The following NUP214 variants were observed in gnomAD, a reference collection of about 807,000 sequenced individuals.
NUP214 encodes the protein nuclear pore complex protein Nup214.
A neutral mutation model predicts 196.2 loss-of-function variants in NUP214; 79 were observed. The observed-to-expected ratio is 0.40, with a 90% CI of 0.34 to 0.49. The LOEUF (loss-of-function observed/expected upper bound fraction) is 0.49, where lower values mean the gene tolerates loss of function less well. Ranked by LOEUF, NUP214 falls within the 20% of genes least tolerant of loss-of-function variation. NUP214 has a pLI of 0.58. For synonymous variants in NUP214, 1,020 were observed against 990.5 expected, an observed-to-expected ratio of 1.03 and a Z score of -0.56; for missense variants, 2,468 against 2,539.0, an observed-to-expected ratio of 0.97 and a Z score of 0.60.
intron 9 of NUP214, among the ~76,000 whole-genome samples, 161 bp downstream of exon 9, chr9:131,136,167 G>A (rs563055564): frequency 6.6e-5 from 10 of 152,184 alleles, no homozygotes; most frequent in Non-Finnish European, 1.2e-4. Context: ...AGCCTCCCAA[G>A]TAGCTGGGAC....
chr9:131,154,170 C>A (rs1319114861), intron 17 of NUP214, among the ~76,000 whole-genome samples: 1 of 152,120 alleles, frequency 6.6e-6, no homozygotes, highest in African/African-American at 2.4e-5. Flanking sequence ...TTTAAAATTA[C>A]ATTTTCTCTT....
intron 21 of NUP214, among the ~76,000 whole-genome samples, chr9:131,172,362 G>T (rs1178973867): frequency 6.6e-6 from 1 of 152,222 alleles, no homozygotes; most frequent in African/African-American, 2.4e-5. Context: ...CTTTTGAGAA[G>T]TGTCTGTTCA....
At chr9:131,127,845 A>G in intron 2 of NUP214, 126 bp downstream of exon 2, 1 of 701,486 alleles carries the variant, frequency 1.4e-6, no homozygotes, top group Non-Finnish European at 2.4e-6. Context: ...GTTGACTCCC[A>G]AGAAGATTAA....
chr9:131,190,397 A>ATT (rs1398570683), intron 26 of NUP214: 1 of 676,718 alleles, frequency 1.5e-6, no homozygotes, highest in Admixed American at 2.3e-5. Flanking sequence ...GACTTGCAAG[A>ATT]AATTTCCGAG....
intron 26 of NUP214, chr9:131,190,686 G>A (rs1167317126): frequency 2.1e-6 from 1 of 487,676 alleles, no homozygotes; most frequent in Non-Finnish European, 3.6e-6. Context: ...CTATGGTGTA[G>A]AGATATATAA....
Position 131,222,914 on chromosome 9 carries a change from C to T in NUP214, c.5886C>T (p.Ser1962=), listed in dbSNP as rs373404479. 33 of 1,613,958 alleles carry T rather than the reference C, an allele frequency of 2.0e-5. No homozygotes were observed. The highest frequency in any genetic ancestry group is 2.8e-5 in the Non-Finnish European group (33 of 1,179,978). Residue 1962 remains serine, a synonymous_variant, in exon 32 of 36, where the codon TCC becomes TCT. Coordinates refer to ENST00000359428, the MANE Select transcript of NUP214 (RefSeq NM_005085.4). ...GSVASQGFGF[S]SPNKTGGFGA... ...TGGCATCCCAAGGCTTTGGGTTTTC[C>T]TCTCCAAACAAAACAGGTACTCCTA...
intron 30 of NUP214, among the ~76,000 whole-genome samples, chr9:131,212,757 C>T (rs548904943): frequency 1.1e-4 from 17 of 152,124 alleles, no homozygotes; most frequent in South Asian, 6.2e-4. Flanking sequence ...TTAAAATTTT[C>T]GGATATAATG....
intron 6 of NUP214, 40 bp from the exon 7 acceptor site, chr9:131,133,066 T>C: frequency 6.9e-7 from 1 of 1,452,334 alleles, no homozygotes; most frequent in Non-Finnish European, 9.7e-7. Flanking sequence ...ATCTGGTTGC[T>C]GTCATTTTTA....
At chr9:131,168,941 A>C (rs1468438950) in intron 21 of NUP214, among the ~76,000 whole-genome samples, 2 of 152,010 alleles carry the variant, frequency 1.3e-5, no homozygotes, top group Admixed American at 1.3e-4. Flanking sequence ...ACACTGCCTT[A>C]ATTAGTGCTC....
chr9:131,192,189 TTTTTTTCC>T lies in NUP214; in HGVS notation c.3575-18_3575-11del. ...ATATTCTTTTTTTTTTTTTTTTTTTTTTTTTTCCATAATTTCAGGGACAGCCAAGATAG... is the reference window on the plus strand; with the variant it reads ...ATATTCTTTTTTTTTTTTTTTTTTTTATAATTTCAGGGACAGCCAAGATAG... On this transcript the variant is annotated splice_polypyrimidine_tract_variant and intron_variant, in intron 26 of 35. Transcript: ENST00000359428. 1 of 1,139,274 alleles carries T rather than the reference TTTTTTTCC, an allele frequency of 8.8e-7. No homozygotes were observed. The highest frequency in any genetic ancestry group is 1.2e-6 in the Non-Finnish European group (1 of 820,866). 70.6% of individuals were successfully genotyped at this position (1,139,274 alleles called of 1,614,324 possible).
At position 131,135,920 on chromosome 9, in the gene NUP214, C is replaced by T. The variant is rs1448612936; in HGVS notation, c.939-20C>T. 3 of 1,608,984 alleles carry T rather than the reference C, an allele frequency of 1.9e-6. No homozygotes were observed. The highest frequency in any genetic ancestry group is 3.3e-5 in the Admixed American group (2 of 59,852). On this transcript the variant is annotated intron_variant, in intron 8 of 35. Coordinates refer to ENST00000359428, the MANE Select transcript of NUP214 (RefSeq NM_005085.4). ...TATTGCTGTATTTGAACGTAATGGTCTCTGGTTTTATTCTTTAAGGGATTT... is the reference window on the plus strand; with the variant it reads ...TATTGCTGTATTTGAACGTAATGGTTTCTGGTTTTATTCTTTAAGGGATTT...
intron 14 of NUP214, among the ~76,000 whole-genome samples, chr9:131,148,842 C>T (rs760074399): frequency 6.6e-6 from 1 of 152,028 alleles, no homozygotes; most frequent in African/African-American, 2.4e-5. Flanking sequence ...ATTGTCTATT[C>T]ATTGTCTTTT....
At chr9:131,227,722 C>T (rs1366831146) in intron 32 of NUP214, among the ~76,000 whole-genome samples, 1 of 152,176 alleles carries the variant, frequency 6.6e-6, no homozygotes, top group Non-Finnish European at 1.5e-5. Context: ...GTAATATAGT[C>T]TGTCATCTTT....
At chr9:131,178,886 A>G (rs1833188622) in intron 24 of NUP214, among the ~76,000 whole-genome samples, 1 of 151,514 alleles carries the variant, frequency 6.6e-6, no homozygotes, top group Admixed American at 6.6e-5. Context: ...CTGTTTGGAG[A>G]CTTTAGCTTC....
intron 32 of NUP214, among the ~76,000 whole-genome samples, chr9:131,223,723 A>ATTTTTTTTTTT (rs1222974193): frequency 2.6e-4 from 5 of 18,972 alleles, no homozygotes; most frequent in Non-Finnish European, 3.7e-4. Flanking sequence ...TTATTTATTT[A>ATTTTTTTTTTT]TTTATTTTTT....
intron 34 of NUP214, among the ~76,000 whole-genome samples, chr9:131,231,324 T>A (rs1834872060): frequency 6.6e-6 from 1 of 152,134 alleles, no homozygotes; most frequent in South Asian, 2.1e-4. Context: ...TTTGAGTAGC[T>A]GGGTCTACAG....
At chr9:131,155,500 A>G (rs936323180) in intron 17 of NUP214, among the ~76,000 whole-genome samples, 5 of 152,004 alleles carry the variant, frequency 3.3e-5, no homozygotes, top group African/African-American at 7.2e-5. Flanking sequence ...AGTCCCATCT[A>G]TTTACCTTTT....
At chr9:131,145,791 G>T (rs1832071363) in intron 12 of NUP214, among the ~76,000 whole-genome samples, 1 of 152,102 alleles carries the variant, frequency 6.6e-6, no homozygotes, top group Non-Finnish European at 1.5e-5. Context: ...ACTCTCCTAA[G>T]CATAATTGTG....
chr9:131,216,466 TC>T (rs1309602198), intron 31 of NUP214, among the ~76,000 whole-genome samples: 1 of 150,364 alleles, frequency 6.7e-6, no homozygotes, highest in Non-Finnish European at 1.5e-5. Flanking sequence ...GACCTCATGA[TC>T]CGCCTGCCTT....
Sources: gnomAD v4.1 joint callset for allele counts (sites outside exome capture counted in the v4.1 genomes callset) on GRCh38, gnomAD v4.1.1 for gene constraint, MANE v1.5 for transcripts, NCBI Gene and HGNC (gene_info 2026-07-23, HGNC 2026-07-21) for gene names.